The following DLGAP2 variants were observed in gnomAD, a reference collection of about 807,000 sequenced individuals.
DLGAP2 encodes DLG associated protein 2, also known as disks large-associated protein 2.
DLGAP2 carries 26 observed loss-of-function variants against 100.3 expected under a neutral mutation model. That is an observed-to-expected ratio of 0.26 (90% confidence interval 0.19 to 0.36). The LOEUF (loss-of-function observed/expected upper bound fraction) is 0.36. DLGAP2 is among the 10% of genes least tolerant of loss of function. DLGAP2 has a pLI of 1.00. For missense variants in DLGAP2, 1,858 were observed against 1,453.2 expected, an observed-to-expected ratio of 1.28 and a Z score of -4.53; for synonymous variants, 886 against 630.1, an observed-to-expected ratio of 1.41 and a Z score of -6.08.
At chr8:1,481,178 TA>T (rs1044425963) in intron 3 of DLGAP2, among the ~76,000 whole-genome samples, 15 of 148,562 alleles carry the variant, frequency 1.0e-4, no homozygotes, top group African/African-American at 1.7e-4. Context: ...TCTCAAAAAA[TA>T]AAAAAAAAAT....
chr8:1,472,126 T>C (rs1321466307), intron 3 of DLGAP2, among the ~76,000 whole-genome samples: 1 of 151,772 alleles, frequency 6.6e-6, no homozygotes, highest in Non-Finnish European at 1.5e-5. Context: ...CCCTCCACAG[T>C]GAGAACGCAG....
intron 3 of DLGAP2, among the ~76,000 whole-genome samples, chr8:1,316,035 C>T (rs1212347643): frequency 6.5e-5 from 9 of 138,520 alleles, no homozygotes; most frequent in Non-Finnish European, 1.1e-4. Context: ...ACTCGAGACA[C>T]TTGGCAGCTT....
chr8:1,697,120 C>T (rs1799418054), intron 13 of DLGAP2, 27 bp from the exon 14 acceptor site: 1 of 1,518,156 alleles, frequency 6.6e-7, no homozygotes, highest in South Asian at 1.3e-5. Context: ...ACTCTCCTGG[C>T]TCTGAACACC....
chr8:1,552,672 G>A (rs1801809495), intron 5 of DLGAP2, among the ~76,000 whole-genome samples: 1 of 152,208 alleles, frequency 6.6e-6, no homozygotes, highest in South Asian at 2.1e-4. Context: ...GGGTCCTAGT[G>A]TACGGATAAG....
intron 4 of DLGAP2, among the ~76,000 whole-genome samples, chr8:1,502,184 G>C (rs1242319676): frequency 1.3e-5 from 2 of 152,172 alleles, no homozygotes; most frequent in Non-Finnish European, 2.9e-5. Flanking sequence ...GCTGTCTGTG[G>C]TTATTCTCTA....
At chr8:771,465 G>C (rs1821358305) in intron 1 of DLGAP2, among the ~76,000 whole-genome samples, 1 of 152,210 alleles carries the variant, frequency 6.6e-6, no homozygotes, top group Non-Finnish European at 1.5e-5. Flanking sequence ...TCCTGGGCCT[G>C]CACTAGCCGG....
At chr8:852,849 C>T (rs1322779595) in intron 1 of DLGAP2, among the ~76,000 whole-genome samples, 1 of 152,160 alleles carries the variant, frequency 6.6e-6, no homozygotes, top group Non-Finnish European at 1.5e-5. Context: ...ACAAAAGGAC[C>T]TCATTTACCT....
intron 1 of DLGAP2, among the ~76,000 whole-genome samples, chr8:836,247 G>A (rs1796873227): frequency 6.6e-6 from 1 of 152,214 alleles, no homozygotes; most frequent in Non-Finnish European, 1.5e-5. Context: ...TGCCCCGCAA[G>A]GCTCGGGCGG....
chr8:843,083 C>T (rs1393437526), intron 1 of DLGAP2, among the ~76,000 whole-genome samples: 2 of 152,066 alleles, frequency 1.3e-5, no homozygotes, highest in Non-Finnish European at 2.9e-5. Context: ...TTTTTGTTTT[C>T]TGTAATAATT....
At chr8:983,105 G>A (rs1800385973) in intron 2 of DLGAP2, among the ~76,000 whole-genome samples, 1 of 152,292 alleles carries the variant, frequency 6.6e-6, no homozygotes, top group East Asian at 1.9e-4. Context: ...TGGACCTGAC[G>A]GACTAGCCGG....
chr8:1,272,574 C>G (rs1028343799), intron 3 of DLGAP2, among the ~76,000 whole-genome samples: 1 of 151,994 alleles, frequency 6.6e-6, no homozygotes, highest in Non-Finnish European at 1.5e-5. Flanking sequence ...ACATTTTAAA[C>G]TTTGTTTTAT....
intron 3 of DLGAP2, among the ~76,000 whole-genome samples, chr8:1,452,988 C>T (rs1371176537): frequency 2.0e-5 from 3 of 152,120 alleles, no homozygotes; most frequent in African/African-American, 4.8e-5. Flanking sequence ...GGGAAGGAGA[C>T]GTGAGAAGTC....
At chr8:1,261,717 G>A (rs1799354399) in intron 3 of DLGAP2, among the ~76,000 whole-genome samples, 1 of 152,216 alleles carries the variant, frequency 6.6e-6, no homozygotes, top group Non-Finnish European at 1.5e-5. Context: ...GGTCTCAGCT[G>A]TGCTTTAGTT....
chr8:1,550,174 G>T (rs1406801104), intron 5 of DLGAP2, among the ~76,000 whole-genome samples: 1 of 152,196 alleles, frequency 6.6e-6, no homozygotes, highest in African/African-American at 2.4e-5. Flanking sequence ...CAGCTCACCT[G>T]TGTTGTGGAG....
chr8:1,383,536 G>A (rs76612898), intron 3 of DLGAP2, among the ~76,000 whole-genome samples: 2,070 of 152,270 alleles, frequency 0.014, 18 homozygotes, highest in Non-Finnish European at 0.021. Context: ...CACAGTTGGC[G>A]ACGTTACCGG....
intron 4 of DLGAP2, among the ~76,000 whole-genome samples, chr8:1,510,515 G>A (rs780860966): frequency 6.6e-6 from 1 of 152,222 alleles, no homozygotes; most frequent in African/African-American, 2.4e-5. Context: ...GGTTGAACAC[G>A]ACGAAGGAGG....
rs375611271 is a variant in DLGAP2, at chr8:1,166,310, G to C, written c.74-92541G>C. Among the ~76,000 whole-genome samples the C allele has an allele frequency of 4.6e-5, 7 of 152,146 alleles. No individual in the cohort carries two copies. The East Asian group carries it at 5.8e-4, about 13-fold the overall frequency. The stretch of plus-strand genomic sequence containing the variant: ...CACCACCCCGTGCTTCCTTATTCCC[G>C]AGGCCCCGGCCTATAATTATCCTCT... On this transcript the variant is annotated intron_variant, in intron 2 of 14. Transcript: ENST00000637795.
At chr8:841,345 T>G (rs1167181091) in intron 1 of DLGAP2, among the ~76,000 whole-genome samples, 1 of 152,192 alleles carries the variant, frequency 6.6e-6, no homozygotes, top group Non-Finnish European at 1.5e-5. Context: ...CTTTGGCCAG[T>G]GGGGGCCTCT....
chr8:966,011 G>C (rs1001283555), intron 2 of DLGAP2, among the ~76,000 whole-genome samples: 5 of 152,066 alleles, frequency 3.3e-5, no homozygotes, highest in African/African-American at 1.2e-4. Flanking sequence ...GGGACTCTCA[G>C]CTCTGCCGTG....
Sources: allele counts gnomAD v4.1 joint callset (sites outside exome capture counted in the v4.1 genomes callset), GRCh38; gene constraint gnomAD v4.1.1; transcripts MANE v1.5; gene names NCBI Gene and HGNC (gene_info 2026-07-23, HGNC 2026-07-21).